The following DIAPH3 variants were observed in gnomAD, a reference collection of about 807,000 sequenced individuals.
The protein encoded by DIAPH3 is protein diaphanous homolog 3.
In DIAPH3, 117 loss-of-function variants were observed where a neutral mutation model predicts 144.3. That is an observed-to-expected ratio of 0.81 (90% CI 0.70 to 0.95). The LOEUF (loss-of-function observed/expected upper bound fraction) is 0.95, where lower values mean the gene tolerates loss of function less well. Among genes scored for constraint, DIAPH3 ranks in the 40% least tolerant of loss-of-function variants. DIAPH3 has a pLI of 0.00. For missense variants in DIAPH3, 1,421 were observed against 1,412.7 expected, an observed-to-expected ratio of 1.01 and a Z score of -0.09; for synonymous variants, 519 against 488.9, an observed-to-expected ratio of 1.06 and a Z score of -0.81.
chr13:59,802,644 A>ATATTATTATTATTAT (rs777931224), intron 25 of DIAPH3, among the ~76,000 whole-genome samples: 3 of 61,588 alleles, frequency 4.9e-5, no homozygotes, highest in African/African-American at 1.5e-4. Context: ...TTATTGATCT[A>ATATTATTATTATTAT]TATTATTATT....
chr13:59,782,017 C>G (rs746263161), intron 25 of DIAPH3, among the ~76,000 whole-genome samples: 4 of 152,032 alleles, frequency 2.6e-5, no homozygotes, highest in South Asian at 2.1e-4. Context: ...TATTTCCCAG[C>G]CTTCAGAACT....
intron 5 of DIAPH3, among the ~76,000 whole-genome samples, chr13:60,022,298 T>A (rs1430803097): frequency 6.6e-6 from 1 of 152,168 alleles, no homozygotes; most frequent in Admixed American, 6.5e-5. Flanking sequence ...ACAAGCGTCC[T>A]GAAAGCAGGC....
At chr13:59,865,144 C>G (rs78193235) in intron 21 of DIAPH3, among the ~76,000 whole-genome samples, 293 of 152,056 alleles carry the variant, frequency 1.9e-3, no homozygotes, top group African/African-American at 6.5e-3. Context: ...TCTATTCTCT[C>G]CCTCCCCTCT....
At chr13:60,044,267 G>A (rs923266819) in intron 4 of DIAPH3, 2 of 152,068 alleles carry the variant, frequency 1.3e-5, no homozygotes, top group African/African-American at 2.4e-5. Context: ...TACGAAATTC[G>A]GTGTTTTTCA....
At chr13:59,919,587 TAG>T (rs1331322490) in intron 18 of DIAPH3, among the ~76,000 whole-genome samples, 3 of 152,140 alleles carry the variant, frequency 2.0e-5, no homozygotes, top group South Asian at 4.1e-4. Context: ...CAAGGAGAGA[TAG>T]AGTTTCCCAG....
intron 7 of DIAPH3, among the ~76,000 whole-genome samples, chr13:60,014,437 G>C (rs2053491314): frequency 6.6e-6 from 1 of 151,902 alleles, no homozygotes; most frequent in Non-Finnish European, 1.5e-5. Flanking sequence ...TATTTTCTTT[G>C]AAAATAATAT....
At chr13:59,876,163 T>C (rs1467153442) in intron 21 of DIAPH3, among the ~76,000 whole-genome samples, 1 of 152,188 alleles carries the variant, frequency 6.6e-6, no homozygotes, top group East Asian at 1.9e-4. Flanking sequence ...TAGAAGCTTA[T>C]CATCAAACCA....
intron 4 of DIAPH3, among the ~76,000 whole-genome samples, chr13:60,048,449 T>A (rs2056188096): frequency 6.6e-6 from 1 of 152,172 alleles, no homozygotes; most frequent in Non-Finnish European, 1.5e-5. Flanking sequence ...TGAGGACATG[T>A]TCAAGATCAC....
At chr13:59,715,421 A>G (rs544134802) in intron 27 of DIAPH3, among the ~76,000 whole-genome samples, 2 of 152,348 alleles carry the variant, frequency 1.3e-5, no homozygotes, top group South Asian at 2.1e-4. Flanking sequence ...AGAGATGACT[A>G]GAAGGCATAA....
chr13:59,851,635 C>CTTTTTTTTTTTT (rs200870976), intron 22 of DIAPH3, among the ~76,000 whole-genome samples: 1 of 112,390 alleles, frequency 8.9e-6, no homozygotes, highest in Admixed American at 9.7e-5. Context: ...ATAGATGAAT[C>CTTTTTTTTTTTT]TTTTTTTTTT....
chr13:59,809,624 C>A (rs1029662822), intron 25 of DIAPH3, among the ~76,000 whole-genome samples: 1 of 151,942 alleles, frequency 6.6e-6, no homozygotes, highest in African/African-American at 2.4e-5. Context: ...TCTTTCTGAT[C>A]TCCATTTTTA....
intron 27 of DIAPH3, among the ~76,000 whole-genome samples, chr13:59,709,343 C>T (rs561769101): frequency 2.6e-4 from 40 of 152,242 alleles, no homozygotes; most frequent in Non-Finnish European, 4.4e-4. Context: ...GCAACCTACT[C>T]ATCTGACAAA....
At chr13:59,795,303 A>C (rs1333618002) in intron 25 of DIAPH3, among the ~76,000 whole-genome samples, 1 of 152,186 alleles carries the variant, frequency 6.6e-6, no homozygotes, top group East Asian at 1.9e-4. Context: ...AATATAATGA[A>C]AAATTAAGAC....
rs1184583859 is a variant in DIAPH3 at position 59,924,767 on chromosome 13, A to T, written c.2170+8T>A. On this transcript the variant is annotated splice_region_variant and intron_variant, in intron 18 of 27. Coordinates refer to ENST00000400324, the MANE Select transcript of DIAPH3 (RefSeq NM_001042517.2). ...TGTCTTTGAATGGTATTGGAATATG[A>T]TACTTACAAAGGTTCTGGGCAATTT... 4 of 1,599,346 alleles carry T rather than the reference A, an allele frequency of 2.5e-6. No homozygotes were observed. The highest frequency in any genetic ancestry group is 1.7e-5 in the Admixed American group (1 of 59,372).
intron 20 of DIAPH3, among the ~76,000 whole-genome samples, chr13:59,903,407 C>T (rs1952525897): frequency 6.6e-6 from 1 of 151,902 alleles, no homozygotes; most frequent in African/African-American, 2.4e-5. Flanking sequence ...ATTCTTATAC[C>T]AAATCACAAT....
At chr13:59,738,823 G>C (rs1048968469) in intron 27 of DIAPH3, among the ~76,000 whole-genome samples, 1 of 152,144 alleles carries the variant, frequency 6.6e-6, no homozygotes, top group Admixed American at 6.5e-5. Flanking sequence ...ATTTTGAAAA[G>C]TCAGTTTGAC....
At chr13:59,691,708 A>C (rs2033534184) in intron 27 of DIAPH3, among the ~76,000 whole-genome samples, 1 of 152,196 alleles carries the variant, frequency 6.6e-6, no homozygotes. Flanking sequence ...AAGGGAAAGA[A>C]GTAAACAAGG....
intron 27 of DIAPH3, among the ~76,000 whole-genome samples, chr13:59,697,659 G>A (rs61956673): frequency 0.084 from 12,843 of 152,050 alleles, 764 homozygotes; most frequent in Middle Eastern, 0.19. Context: ...TTAGAGATAT[G>A]TGACAGATCT....
intron 22 of DIAPH3, among the ~76,000 whole-genome samples, chr13:59,852,412 C>T (rs1171941573): frequency 6.6e-6 from 1 of 152,172 alleles, no homozygotes; most frequent in African/African-American, 2.4e-5. Context: ...TAAATTCATG[C>T]ATCACCTCCA....
Sources: allele counts gnomAD v4.1 joint callset (sites outside exome capture counted in the v4.1 genomes callset), GRCh38; gene constraint gnomAD v4.1.1; transcripts MANE v1.5; gene names NCBI Gene and HGNC (gene_info 2026-07-23, HGNC 2026-07-21).